REXO1: variants seen among roughly 807,000 people sequenced by gnomAD.
REXO1 encodes the protein RNA exonuclease 1 homolog.
In REXO1, 42 loss-of-function variants were observed where a neutral mutation model predicts 102.6. That is an observed-to-expected ratio of 0.41 (90% CI 0.32 to 0.53). The LOEUF is 0.53. REXO1 is among the 20% of genes least tolerant of loss of function. The pLI, the probability that REXO1 is intolerant of heterozygous loss-of-function variation, is 0.27. For missense variants in REXO1, 1,819 were observed against 1,732.5 expected (o/e 1.05, Z -0.89); for synonymous variants, 908 against 779.1 (o/e 1.17, Z -2.76).
chr19:1,821,793 T>G (rs2069551259), intron 4 of REXO1, 111 bp from the exon 5 acceptor site: 3 of 979,980 alleles, frequency 3.1e-6, no homozygotes, highest in Non-Finnish European at 4.4e-6. Flanking sequence ...CATCTCCGCG[T>G]GCAGGGGGCC....
chr19:1,843,931 C>T (rs977351747), intron 1 of REXO1, among the ~76,000 whole-genome samples: 1 of 152,246 alleles, frequency 6.6e-6, no homozygotes, highest in East Asian at 1.9e-4. Flanking sequence ...TCCTCTGCAG[C>T]GAGGCGCCAT....
At chr19:1,839,093 TA>T (rs1435207965) in intron 1 of REXO1, among the ~76,000 whole-genome samples, 2 of 151,876 alleles carry the variant, frequency 1.3e-5, no homozygotes, top group African/African-American at 2.4e-5. Context: ...CTGTCTCTAC[TA>T]AAATACAAAA....
chr19:1,825,826 C>A lies in REXO1; in HGVS notation c.2016+13G>T. ...AAAAAGGCTCCTGCTGGCCTGGCCT[C>A]TGCGGACCTTACCTCCTGGCCTTGC... On this transcript the variant is annotated intron_variant, in intron 3 of 15. Coordinates refer to ENST00000170168, the MANE Select transcript of REXO1 (RefSeq NM_020695.4). 1.9e-6 allele frequency: 3 copies of A among 1,544,516 alleles called. No homozygotes were observed. Among genetic ancestry groups the A allele is most frequent in the Non-Finnish European group, 2.7e-6 (3 of 1,117,876 alleles).
intron 7 of REXO1, 61 bp from the exon 8 acceptor site, chr19:1,819,192 C>T: frequency 7.7e-7 from 1 of 1,291,030 alleles, no homozygotes; most frequent in South Asian, 1.5e-5. Flanking sequence ...CCCTGCCCCG[C>T]CTGCTCTCCC....
intron 7 of REXO1, among the ~76,000 whole-genome samples, chr19:1,819,683 G>A (rs943423319): frequency 3.9e-5 from 6 of 152,200 alleles, no homozygotes; most frequent in Admixed American, 1.3e-4. Context: ...ATTAGCAGGC[G>A]GCCCCTCGGC....
At chr19:1,843,133 AC>A (rs1018618180) in intron 1 of REXO1, among the ~76,000 whole-genome samples, 5 of 146,560 alleles carry the variant, frequency 3.4e-5, no homozygotes, top group Non-Finnish European at 7.5e-5. Context: ...CAAAGCTTCA[AC>A]CCCCCGCCCG....
In REXO1 at chr19:1,848,240, C is replaced by T; in HGVS notation, c.119G>A (p.Gly40Asp). Residue 40 changes from glycine (G) to aspartate (D), a missense_variant, in exon 1 of 16, where the codon GGC becomes GAC. Transcript: ENST00000170168. ...HFRHRGARGS[G>D]APGDGGEAPP... is the part of the protein sequence containing the mutation. ...CGCCTCTCCGCCGTCACCGGGCGCG[C>T]CGGAGCCCCGGGCCCCGCGGTGCCG... 2 of 1,229,564 alleles carry T rather than the reference C, an allele frequency of 1.6e-6. No homozygotes were observed. The highest frequency in any genetic ancestry group is 2.0e-6 in the Non-Finnish European group (2 of 982,726). The allele number at this position is 1,229,564 out of a possible 1,614,324, so 76.2% of individuals were successfully genotyped here. A position where few individuals can be genotyped will look rare whatever the true frequency, so the allele number is the denominator to read the frequency against.
In REXO1 at chr19:1,828,383, G is replaced by C; in HGVS notation, c.406C>G (p.Pro136Ala). ...ALAPRGPNAS[P>A]TVGPDEDAFP... Reference sequence around the variant, plus strand: ...GCATCCTCGTCCGGGCCCACAGTGGGGCTGGCGTTGGGGCCGCGGGGCGCC... The same window carrying C: ...GCATCCTCGTCCGGGCCCACAGTGGCGCTGGCGTTGGGGCCGCGGGGCGCC... Residue 136 changes from proline to alanine, a missense_variant, in exon 2 of 16, where the codon CCC (proline) becomes GCC (alanine). Coordinates refer to ENST00000170168, the MANE Select transcript of REXO1 (RefSeq NM_020695.4). The C allele has an allele frequency of 6.2e-7, 1 of 1,608,344 alleles. No homozygotes were observed. Among genetic ancestry groups the C allele is most frequent in the Non-Finnish European group, 8.5e-7 (1 of 1,177,602 alleles).
chr19:1,816,085 T>A lies in REXO1; in HGVS notation c.3647A>T (p.Asp1216Val). The change falls in exon 16 of 16, where the codon GAC (aspartate) becomes GTC (valine). Residue 1216 changes from aspartate (D) to valine (V), a missense_variant. Asp to Val is a radical substitution (Grantham distance 152). Coordinates refer to ENST00000170168, the MANE Select transcript of REXO1 (RefSeq NM_020695.4). ...MHLVIWKVRE[D>V]AKTKR ...CAGGCGTCATCGCTTGGTCTTGGCGTCTTCTCGAACCTTCCAGATCACCAG... is the reference window on the plus strand; with the variant it reads ...CAGGCGTCATCGCTTGGTCTTGGCGACTTCTCGAACCTTCCAGATCACCAG... 1 of 1,546,596 alleles carries A rather than the reference T, an allele frequency of 6.5e-7. No homozygotes were observed. The highest frequency in any genetic ancestry group is 8.7e-7 in the Non-Finnish European group (1 of 1,146,866).
At position 1,848,428 on chromosome 19, in the gene REXO1, T is replaced by A. The variant is rs2011664850; in HGVS notation, c.-70A>T. 9.2e-7 allele frequency: 1 copy of A among 1,081,106 alleles called. No homozygotes were observed. Among genetic ancestry groups the A allele is most frequent in the Non-Finnish European group, 1.1e-6 (1 of 883,414 alleles). The allele number at this position is 1,081,106 out of a possible 1,614,324, so 67.0% of individuals were successfully genotyped here. A position where few individuals can be genotyped will look rare whatever the true frequency, so the allele number is the denominator to read the frequency against. On this transcript the variant is annotated 5_prime_UTR_variant, in exon 1 of 16. Coordinates refer to ENST00000170168, the MANE Select transcript of REXO1 (RefSeq NM_020695.4). ...CAGGGCCCCCTCACTGGCGCCGCGG[T>A]CGCCGCCGCCCGCGCCTCACGGACC...
At chr19:1,847,061 T>C (rs920386878) in intron 1 of REXO1, among the ~76,000 whole-genome samples, 1 of 152,048 alleles carries the variant, frequency 6.6e-6, no homozygotes, top group Non-Finnish European at 1.5e-5. Context: ...TGTCGGCAGG[T>C]CCCTGAGAGC....
At chr19:1,836,132 G>A (rs1225259555) in intron 1 of REXO1, among the ~76,000 whole-genome samples, 2 of 152,116 alleles carry the variant, frequency 1.3e-5, no homozygotes, top group African/African-American at 4.8e-5. Context: ...TCTCCTCTCT[G>A]CTCCCACTGC....
intron 1 of REXO1, among the ~76,000 whole-genome samples, chr19:1,832,527 G>A (rs749108573): frequency 3.3e-5 from 5 of 152,206 alleles, no homozygotes; most frequent in African/African-American, 9.7e-5. Context: ...GGCAGCTGCC[G>A]CCTTTCCCTT....
At chr19:1,844,716 G>A (rs1034507528) in intron 1 of REXO1, among the ~76,000 whole-genome samples, 3 of 152,192 alleles carry the variant, frequency 2.0e-5, no homozygotes, top group African/African-American at 4.8e-5. Flanking sequence ...ACCCGACTGC[G>A]GGATCCCCGA....
At position 1,827,021 on chromosome 19, in the gene REXO1, TGGAGGAGGAGGA is replaced by T. The variant is rs3052937; in HGVS notation, c.1756_1767del (p.Ser586_Ser589del). On this transcript the variant is annotated inframe_deletion, in exon 2 of 16. Transcript: ENST00000170168. ...TCCACATCCGCCCCCGCGCTGGAGG[TGGAGGAGGAGGA>T]GGAGGAGGAGGAGGATGGGGCGGGG... 8.7e-4 allele frequency: 1,203 copies of T among 1,384,154 alleles called. 9 individuals carry two copies. In the African/African-American group the frequency reaches 0.015, roughly 18 times the overall value. The allele number at this position is 1,384,154 out of a possible 1,614,324, so 85.7% of individuals were successfully genotyped here.
At chr19:1,825,299 C>CAAAAAAA (rs34910037) in intron 3 of REXO1, among the ~76,000 whole-genome samples, 4 of 61,180 alleles carry the variant, frequency 6.5e-5, no homozygotes, top group African/African-American at 3.3e-4. Flanking sequence ...GACTCCGTCT[C>CAAAAAAA]AAAAAAAAAA....
In REXO1 at chr19:1,817,797, C is replaced by T. The variant is rs1414851085; in HGVS notation, c.3017-17G>A. 6.2e-7 allele frequency: 1 copy of T among 1,608,882 alleles called. No individual in the cohort carries two copies. ...CTCCGGCCACTGCAGGGGACACAGA[C>T]ACACAGTCAGGGCCCGGCCAGGCCC... On this transcript the variant is annotated splice_polypyrimidine_tract_variant and intron_variant, in intron 10 of 15. Coordinates refer to ENST00000170168, the MANE Select transcript of REXO1 (RefSeq NM_020695.4).
intron 3 of REXO1, among the ~76,000 whole-genome samples, chr19:1,825,633 G>A (rs2069692778): frequency 6.6e-6 from 1 of 151,970 alleles, no homozygotes; most frequent in Non-Finnish European, 1.5e-5. Context: ...CCATCACCAT[G>A]CCCAGCTAAT....
At chr19:1,843,304 C>T (rs1163145577) in intron 1 of REXO1, among the ~76,000 whole-genome samples, 1 of 151,954 alleles carries the variant, frequency 6.6e-6, no homozygotes, top group African/African-American at 2.4e-5. Flanking sequence ...CACAGCTGGG[C>T]AAAGCTTCAA....
Sources: allele counts gnomAD v4.1 joint callset (sites outside exome capture counted in the v4.1 genomes callset), GRCh38; gene constraint gnomAD v4.1.1; transcripts MANE v1.5; gene names NCBI Gene and HGNC (gene_info 2026-07-23, HGNC 2026-07-21).